The following TMX3 variants were observed in gnomAD, a reference collection of about 807,000 sequenced individuals.
TMX3 encodes thioredoxin related transmembrane protein 3.
TMX3 carries 40 observed loss-of-function variants against 64.4 expected under a neutral mutation model. That is an observed-to-expected ratio of 0.62 (90% CI 0.48 to 0.81). TMX3 has a LOEUF of 0.81. Ranked by LOEUF, TMX3 falls within the 30% of genes least tolerant of loss-of-function variation. TMX3 has a pLI of 0.00. For synonymous variants in TMX3, 189 were observed against 175.7 expected, an observed-to-expected ratio of 1.08 and a Z score of -0.60; for missense variants, 497 against 534.5, an observed-to-expected ratio of 0.93 and a Z score of 0.69.
At chr18:68,708,448 A>C (rs111640681) in intron 4 of TMX3, among the ~76,000 whole-genome samples, 5,648 of 152,172 alleles carry the variant, frequency 0.037, 234 homozygotes, top group African/African-American at 0.1. Flanking sequence ...TAGGAATCTC[A>C]CACTATTATT....
At chr18:68,687,847 T>C (rs1914112820) in intron 9 of TMX3, 82 bp from the exon 10 acceptor site, 1 of 982,792 alleles carries the variant, frequency 1.0e-6, no homozygotes, top group Non-Finnish European at 1.5e-6. Context: ...ATAATAGGTA[T>C]AAAACGCCTG....
At chr18:68,709,101 T>C (rs1373916000) in intron 4 of TMX3, among the ~76,000 whole-genome samples, 2 of 152,142 alleles carry the variant, frequency 1.3e-5, no homozygotes, top group Non-Finnish European at 2.9e-5. Flanking sequence ...TGCTGGATCA[T>C]TCAAACCTCA....
In TMX3 at chr18:68,709,849, G is replaced by A. The variant is rs564939084; in HGVS notation, c.265+172C>T. On this transcript the variant is annotated intron_variant, in intron 4 of 15. Transcript: ENST00000299608. ...AGCATAAGATTAACACACACTACAC[G>A]CTACATGTTCAATGGCTAATTCATT... 0.096 allele frequency among the ~76,000 whole-genome samples: 14,567 copies of A among 151,966 alleles called. 1,997 individuals carry two copies. Among genetic ancestry groups the A allele is most frequent in the African/African-American group, 0.31 (12,618 of 41,354 alleles).
At chr18:68,700,302 C>T in intron 6 of TMX3, 103 bp downstream of exon 6, 2 of 716,348 alleles carry the variant, frequency 2.8e-6, no homozygotes, top group Non-Finnish European at 4.4e-6. Context: ...TAAATTTTAC[C>T]TAGGTATGTC....
intron 4 of TMX3, 57 bp downstream of exon 4, chr18:68,709,964 G>T: frequency 6.7e-7 from 1 of 1,487,932 alleles, no homozygotes; most frequent in Non-Finnish European, 9.0e-7. Context: ...GAATACTGTT[G>T]CATATAAATG....
At chr18:68,679,840 C>T (rs988079162) in intron 14 of TMX3, among the ~76,000 whole-genome samples, 1 of 152,162 alleles carries the variant, frequency 6.6e-6, no homozygotes, top group East Asian at 1.9e-4. Flanking sequence ...TTGAGTTTAG[C>T]TGGGACCGCA....
intron 3 of TMX3, among the ~76,000 whole-genome samples, 174 bp from the exon 4 acceptor site, chr18:68,710,318 C>T (rs966982374): frequency 5.3e-5 from 8 of 151,978 alleles, no homozygotes; most frequent in African/African-American, 7.2e-5. Context: ...AAGATCAAAA[C>T]ATACAAACAT....
intron 4 of TMX3, among the ~76,000 whole-genome samples, chr18:68,708,062 T>C (rs2030900802): frequency 6.7e-6 from 1 of 149,630 alleles, no homozygotes; most frequent in South Asian, 2.1e-4. Flanking sequence ...TATGTGTATA[T>C]ATATGTGTAT....
At chr18:68,679,369 G>A (rs1052259911) in intron 15 of TMX3, 94 bp downstream of exon 15, 1 of 938,906 alleles carries the variant, frequency 1.1e-6, no homozygotes, top group Non-Finnish European at 1.6e-6. Flanking sequence ...GACATATTTT[G>A]ACCTAATCTT....
chr18:68,683,002 A>C, intron 12 of TMX3, 21 bp from the exon 13 acceptor site: 1 of 1,601,412 alleles, frequency 6.2e-7, no homozygotes, highest in Non-Finnish European at 8.5e-7. Flanking sequence ...CCAACCAAAA[A>C]TAAATAAATA....
chr18:68,691,240 T>A (rs765345722), intron 9 of TMX3, 55 bp downstream of exon 9: 3 of 1,262,766 alleles, frequency 2.4e-6, no homozygotes, highest in Non-Finnish European at 3.4e-6. Flanking sequence ...CTAAGTTGTA[T>A]AACAGACATT....
chr18:68,699,645 A>G (rs1239985344), intron 6 of TMX3, among the ~76,000 whole-genome samples: 1 of 152,190 alleles, frequency 6.6e-6, no homozygotes, highest in East Asian at 1.9e-4. Flanking sequence ...ATAAGTGCCT[A>G]TACTTTAAAG....
intron 8 of TMX3, among the ~76,000 whole-genome samples, chr18:68,695,851 C>T (rs905597583): frequency 3.3e-5 from 5 of 152,192 alleles, no homozygotes; most frequent in African/African-American, 1.2e-4. Flanking sequence ...CCAACTTCAA[C>T]CTCATCACAT....
chr18:68,690,620 A>C (rs577495310), intron 9 of TMX3, among the ~76,000 whole-genome samples: 1 of 152,348 alleles, frequency 6.6e-6, no homozygotes, highest in East Asian at 1.9e-4. Flanking sequence ...TTTTGTAAAG[A>C]GATGCGTAAT....
chr18:68,712,640 C>T (rs1449387901), intron 2 of TMX3, among the ~76,000 whole-genome samples: 1 of 152,142 alleles, frequency 6.6e-6, no homozygotes, highest in Non-Finnish European at 1.5e-5. Flanking sequence ...TCCCTTCCTC[C>T]TCCTCAGGAA....
intron 11 of TMX3, 92 bp from the exon 12 acceptor site, chr18:68,684,335 T>C: frequency 6.7e-7 from 1 of 1,498,328 alleles, no homozygotes; most frequent in Non-Finnish European, 9.2e-7. Flanking sequence ...ATCTAATTGC[T>C]GCAGGAAAAG....
intron 8 of TMX3, 133 bp from the exon 9 acceptor site, chr18:68,691,494 T>C (rs1163124319): frequency 8.9e-6 from 5 of 561,212 alleles, no homozygotes; most frequent in Non-Finnish European, 1.6e-5. Flanking sequence ...TCACAAACAG[T>C]TAAAGAGTAC....
chr18:68,697,922 A>G lies in TMX3; in HGVS notation c.492+10T>C. The G allele has an allele frequency of 6.4e-7, 1 of 1,570,474 alleles. No individual in the cohort carries two copies. Among genetic ancestry groups the G allele is most frequent in the Admixed American group, 1.7e-5 (1 of 58,932 alleles). On this transcript the variant is annotated intron_variant, in intron 7 of 15. Coordinates refer to ENST00000299608, the MANE Select transcript of TMX3 (RefSeq NM_019022.5). ...TACATCTGTTTTTGTGGATTAAAAAAAAGTCTTACTTTCAAAGGTGATTCT... is the reference window on the plus strand; with the variant it reads ...TACATCTGTTTTTGTGGATTAAAAAGAAGTCTTACTTTCAAAGGTGATTCT...
intron 8 of TMX3, among the ~76,000 whole-genome samples, chr18:68,696,358 G>C (rs891042556): frequency 6.6e-6 from 1 of 152,080 alleles, no homozygotes; most frequent in East Asian, 1.9e-4. Flanking sequence ...ATTTTTAGTA[G>C]AGATGGAGTT....
Sources: allele counts gnomAD v4.1 joint callset (sites outside exome capture counted in the v4.1 genomes callset), GRCh38; gene constraint gnomAD v4.1.1; transcripts MANE v1.5; gene names NCBI Gene and HGNC (gene_info 2026-07-23, HGNC 2026-07-21).